Variants in CSNK2A2IP observed in about 807,000 individuals in gnomAD.
CSNK2A2IP encodes the protein casein kinase II subunit alpha'-interacting protein.
the CSNK2A2IP span, among the ~76,000 whole-genome samples, chr3:88,406,338 G>T: frequency 6.6e-6 from 1 of 152,226 alleles, no homozygotes; most frequent in East Asian, 1.9e-4. Flanking sequence ...TGAACCTTTA[G>T]AATTCAATGA....
At chr3:88,458,869 T>C in the CSNK2A2IP span, among the ~76,000 whole-genome samples, 1 of 152,220 alleles carries the variant, frequency 6.6e-6, no homozygotes, top group Admixed American at 6.5e-5. Context: ...GCGCATTATT[T>C]GAACTCACTT....
the CSNK2A2IP span, among the ~76,000 whole-genome samples, chr3:88,416,206 G>A: frequency 6.6e-6 from 1 of 150,916 alleles, no homozygotes; most frequent in African/African-American, 2.5e-5. Context: ...GGGAGATGGA[G>A]AGGTTGCAGT....
the CSNK2A2IP span, among the ~76,000 whole-genome samples, chr3:88,385,483 T>C: frequency 6.6e-6 from 1 of 151,784 alleles, no homozygotes. Flanking sequence ...AAACTGAAGA[T>C]GACAGTAGTA....
the CSNK2A2IP span, among the ~76,000 whole-genome samples, chr3:88,448,839 T>C: frequency 4.6e-5 from 7 of 152,224 alleles, no homozygotes; most frequent in African/African-American, 1.7e-4. Context: ...CATGACTTCA[T>C]AGGTGAGTAA....
At chr3:88,403,071 G>A in the CSNK2A2IP span, among the ~76,000 whole-genome samples, 1 of 151,840 alleles carries the variant, frequency 6.6e-6, no homozygotes, top group Non-Finnish European at 1.5e-5. Context: ...CTTATTTTTT[G>A]TGGTTCTGTC....
chr3:88,338,810 A>G, the CSNK2A2IP span, among the ~76,000 whole-genome samples: 8 of 152,304 alleles, frequency 5.3e-5, no homozygotes, highest in East Asian at 1.3e-3. Flanking sequence ...AAAAAATGTC[A>G]GTGAATAAAC....
the CSNK2A2IP span, among the ~76,000 whole-genome samples, chr3:88,352,330 AG>A: frequency 1.3e-5 from 2 of 152,132 alleles, no homozygotes; most frequent in Non-Finnish European, 2.9e-5. Flanking sequence ...TTCAAGACAA[AG>A]GAATTGAGAA....
chr3:88,448,821 G>T, the CSNK2A2IP span, among the ~76,000 whole-genome samples: 1 of 152,154 alleles, frequency 6.6e-6, no homozygotes, highest in African/African-American at 2.4e-5. Flanking sequence ...AATGTATAAG[G>T]TATTATTCAT....
At chr3:88,451,136 A>G in the CSNK2A2IP span, among the ~76,000 whole-genome samples, 1 of 152,240 alleles carries the variant, frequency 6.6e-6, no homozygotes, top group East Asian at 1.9e-4. Flanking sequence ...AATTGTATAT[A>G]TTTATAGTGT....
At chr3:88,463,605 C>A in the CSNK2A2IP span, among the ~76,000 whole-genome samples, 3 of 152,212 alleles carry the variant, frequency 2.0e-5, no homozygotes, top group South Asian at 6.2e-4. Flanking sequence ...CAATGAGATA[C>A]CATCTCACAC....
the CSNK2A2IP span, among the ~76,000 whole-genome samples, chr3:88,374,215 T>C: frequency 6.6e-6 from 1 of 151,686 alleles, no homozygotes; most frequent in Non-Finnish European, 1.5e-5. Flanking sequence ...AGCAGTGAAA[T>C]TGGCCATTGT....
the CSNK2A2IP span, among the ~76,000 whole-genome samples, chr3:88,375,022 C>T: frequency 1.5e-4 from 23 of 151,672 alleles, no homozygotes; most frequent in Admixed American, 5.9e-4. Flanking sequence ...ATAAAATTAC[C>T]GGCAAGAAAG....
At chr3:88,355,022 A>T in the CSNK2A2IP span, among the ~76,000 whole-genome samples, 14 of 152,154 alleles carry the variant, frequency 9.2e-5, no homozygotes, top group African/African-American at 3.4e-4. Flanking sequence ...ATGGATGCCA[A>T]GGTAGGGGAG....
At chr3:88,456,162 A>G in the CSNK2A2IP span, among the ~76,000 whole-genome samples, 1 of 151,988 alleles carries the variant, frequency 6.6e-6, no homozygotes, top group African/African-American at 2.4e-5. Context: ...TCTGTTCAAG[A>G]TTGCTTTAGC....
the CSNK2A2IP span, among the ~76,000 whole-genome samples, chr3:88,422,924 T>C: frequency 6.6e-6 from 1 of 152,248 alleles, no homozygotes; most frequent in African/African-American, 2.4e-5. Context: ...TATTTAGTTT[T>C]TTTGTAATTG....
chr3:88,446,035 TTTC>T, the CSNK2A2IP span, among the ~76,000 whole-genome samples: 9 of 4,320 alleles, frequency 2.1e-3, no homozygotes, highest in Admixed American at 6.0e-3. Flanking sequence ...GTTTCTTTTC[TTTC>T]TTTCTTTCTT....
At chr3:88,465,663 A>C in the CSNK2A2IP span, 2 of 1,231,642 alleles carry the variant, frequency 1.6e-6, no homozygotes, top group Non-Finnish European at 2.0e-6. Flanking sequence ...ACACACCTTC[A>C]ATAGGCCTCC....
chr3:88,373,237 A>G, the CSNK2A2IP span, among the ~76,000 whole-genome samples: 2 of 151,478 alleles, frequency 1.3e-5, no homozygotes, highest in Non-Finnish European at 3.0e-5. Flanking sequence ...GAGCAATAAA[A>G]CACTGTATTA....
chr3:88,358,093 T>C, the CSNK2A2IP span, among the ~76,000 whole-genome samples: 1 of 152,158 alleles, frequency 6.6e-6, no homozygotes, highest in African/African-American at 2.4e-5. Context: ...ACTTTAATTA[T>C]AGCTATTGTA....
Sources: gnomAD v4.1 joint callset for allele counts (sites outside exome capture counted in the v4.1 genomes callset) on GRCh38, gnomAD v4.1.1 for gene constraint, MANE v1.5 for transcripts, NCBI Gene and HGNC (gene_info 2026-07-23, HGNC 2026-07-21) for gene names.